Variants in ZNF33B observed in about 807,000 individuals in gnomAD.
The protein encoded by ZNF33B is zinc finger protein 33B.
ZNF33B carries 29 observed loss-of-function variants against 45.8 expected under a neutral mutation model. The ratio of observed to expected loss-of-function variants is 0.63; its 90% CI spans 0.47 to 0.86. The LOEUF is 0.86. ZNF33B is among the 40% of genes least tolerant of loss of function. The pLI, the probability that ZNF33B is intolerant of heterozygous loss-of-function variation, is 0.00. For synonymous variants in ZNF33B, 305 were observed against 307.8 expected (o/e 0.99, Z 0.10); for missense variants, 831 against 909.9 (o/e 0.91, Z 1.12).
chr10:42,609,152 ATG>A (rs1251754266), intron 4 of ZNF33B, among the ~76,000 whole-genome samples: 1 of 152,224 alleles, frequency 6.6e-6, no homozygotes, highest in Non-Finnish European at 1.5e-5. Context: ...GCAGTGGCTC[ATG>A]CCTGTAATCC....
intron 4 of ZNF33B, among the ~76,000 whole-genome samples, chr10:42,598,831 C>T (rs1047287942): frequency 1.3e-5 from 2 of 152,174 alleles, no homozygotes; most frequent in Admixed American, 6.5e-5. Context: ...TCATGAAGGA[C>T]ACTGGTCTAC....
At chr10:42,577,613 G>A (rs1178563872) in intron 1 of ZNF33B, among the ~76,000 whole-genome samples, 1 of 151,714 alleles carries the variant, frequency 6.6e-6, no homozygotes, top group Non-Finnish European at 1.5e-5. Flanking sequence ...TCACTTGACA[G>A]AGAATTCAGT....
intron 4 of ZNF33B, among the ~76,000 whole-genome samples, chr10:42,600,498 G>C (rs1377395469): frequency 1.3e-5 from 2 of 152,134 alleles, no homozygotes; most frequent in African/African-American, 4.8e-5. Context: ...CTGCAGCCTT[G>C]TGAATAATTT....
intron 4 of ZNF33B, among the ~76,000 whole-genome samples, chr10:42,614,708 C>T (rs1838239304): frequency 6.6e-6 from 1 of 152,182 alleles, no homozygotes; most frequent in South Asian, 2.1e-4. Flanking sequence ...GTAATCCCAG[C>T]ACTTTAGGAG....
At position 42,594,182 on chromosome 10, in the gene ZNF33B, G is replaced by C. The variant is rs755674076; in HGVS notation, c.768C>G (p.Phe256Leu). 16 of 1,613,636 alleles carry C rather than the reference G, an allele frequency of 9.9e-6. No homozygotes were observed. In the South Asian group the frequency reaches 1.1e-4, roughly 11 times the overall value. ...NCDYNEFGRTFCDSSSLLFHQ... is the reference protein window; with the variant it reads ...NCDYNEFGRTLCDSSSLLFHQ... The stretch of plus-strand genomic sequence containing the variant: ...GGAACAAGAGGGATGAACTATCACA[G>C]AAAGTTCTCCCAAATTCATTATAGT... Residue 256 changes from phenylalanine to leucine, a missense_variant, in exon 5 of 5, where the codon TTC (phenylalanine) becomes TTG (leucine). Coordinates refer to ENST00000359467, the MANE Select transcript of ZNF33B (RefSeq NM_006955.3).
chr10:42,636,546 G>T (rs1164562170), intron 2 of ZNF33B, among the ~76,000 whole-genome samples: 2 of 152,174 alleles, frequency 1.3e-5, no homozygotes, highest in African/African-American at 4.8e-5. Context: ...TCTTGGCCAG[G>T]CACGGTGGCT....
intron 2 of ZNF33B, among the ~76,000 whole-genome samples, chr10:42,634,220 C>T (rs1428345609): frequency 3.3e-5 from 5 of 150,576 alleles, no homozygotes; most frequent in Non-Finnish European, 7.4e-5. Context: ...GCCTGGCCAA[C>T]ATGGAGAAGC....
chr10:42,604,304 G>A (rs1184649214), intron 4 of ZNF33B, among the ~76,000 whole-genome samples: 1 of 152,122 alleles, frequency 6.6e-6, no homozygotes, highest in Non-Finnish European at 1.5e-5. Context: ...AATTAGCTGG[G>A]TGTGGTGGCC....
chr10:42,585,318 C>T (rs1189781277), downstream of ZNF33B, among the ~76,000 whole-genome samples: 2 of 152,228 alleles, frequency 1.3e-5, no homozygotes, highest in African/African-American at 4.8e-5. Context: ...GTGATCGTCA[C>T]ATCCTGGGCA....
At chr10:42,621,329 T>A (rs1181557533) in intron 4 of ZNF33B, among the ~76,000 whole-genome samples, 17 of 148,746 alleles carry the variant, frequency 1.1e-4, no homozygotes, top group Non-Finnish European at 1.8e-4. Context: ...GAGACTCTTT[T>A]AAAAAAAAAA....
chr10:42,625,794 T>C (rs1232203704), intron 4 of ZNF33B, among the ~76,000 whole-genome samples: 1 of 152,220 alleles, frequency 6.6e-6, no homozygotes, highest in Non-Finnish European at 1.5e-5. Context: ...TTTTCTAAGA[T>C]TCCTTGTAAT....
At chr10:42,613,538 ACT>A (rs1838187721) in intron 4 of ZNF33B, among the ~76,000 whole-genome samples, 1 of 148,842 alleles carries the variant, frequency 6.7e-6, no homozygotes, top group African/African-American at 2.5e-5. Flanking sequence ...ACAGAGCGAG[ACT>A]CTCTCTCAAA....
At chr10:42,637,120 G>C (rs1839341693) in intron 1 of ZNF33B, 148 bp from the exon 2 acceptor site, 2 of 707,868 alleles carry the variant, frequency 2.8e-6, no homozygotes, top group East Asian at 5.4e-5. Flanking sequence ...TTCGGAATAG[G>C]GGGTAGAAAT....
intron 2 of ZNF33B, among the ~76,000 whole-genome samples, chr10:42,633,733 C>T (rs1364534345): frequency 2.0e-5 from 3 of 152,036 alleles, no homozygotes; most frequent in Non-Finnish European, 4.4e-5. Flanking sequence ...TTTGGGAGGC[C>T]GAGGCGGGTG....
intron 2 of ZNF33B, among the ~76,000 whole-genome samples, chr10:42,633,134 T>A (rs1398710435): frequency 1.3e-5 from 2 of 152,222 alleles, no homozygotes; most frequent in Admixed American, 1.3e-4. Context: ...TCATTTAGAT[T>A]TAAAAATGTA....
chr10:42,635,428 A>G (rs747021588), intron 2 of ZNF33B, among the ~76,000 whole-genome samples: 6 of 152,112 alleles, frequency 3.9e-5, no homozygotes, highest in Non-Finnish European at 8.8e-5. Context: ...GTTTTTTTTG[A>G]CGTATGTATT....
At position 42,594,323 on chromosome 10, in the gene ZNF33B, A is replaced by T; in HGVS notation, c.627T>A (p.His209Gln). 1 of 1,613,908 alleles carries T rather than the reference A, an allele frequency of 6.2e-7. No homozygotes were observed. The highest frequency in any genetic ancestry group is 8.5e-7 in the Non-Finnish European group (1 of 1,179,890). Residue 209 changes from histidine (H) to glutamine (Q), a missense_variant, in exon 5 of 5, where the codon CAT becomes CAA. Coordinates refer to ENST00000359467, the MANE Select transcript of ZNF33B (RefSeq NM_006955.3). ...TGTGGTCTAAAGTTTGAATCTTCTC[A>T]TGCTGCAAAGTGTTCTCACGATGAC... Reference protein sequence around the residue: ...TLSHRENTLQHEKIQTLDHNF... With the variant: ...TLSHRENTLQQEKIQTLDHNF...
intron 4 of ZNF33B, among the ~76,000 whole-genome samples, chr10:42,606,442 G>A (rs1464146340): frequency 6.6e-6 from 1 of 152,080 alleles, no homozygotes; most frequent in African/African-American, 2.4e-5. Context: ...TCCAGCCTGG[G>A]CAACAAAGCG....
intron 1 of ZNF33B, among the ~76,000 whole-genome samples, chr10:42,575,446 C>T (rs181923588): frequency 1.2e-4 from 19 of 152,196 alleles, no homozygotes; most frequent in Non-Finnish European, 2.1e-4. Context: ...CTACTAGCTC[C>T]GAGAACTGAG....
Sources: allele counts gnomAD v4.1 joint callset (sites outside exome capture counted in the v4.1 genomes callset), GRCh38; gene constraint gnomAD v4.1.1; transcripts MANE v1.5; gene names NCBI Gene and HGNC (gene_info 2026-07-23, HGNC 2026-07-21).